Variants in MEIS3 observed in about 807,000 individuals in gnomAD.
MEIS3 encodes the protein homeobox protein Meis3.
MEIS3 carries 38 observed loss-of-function variants against 51.4 expected under a neutral mutation model. That is an observed-to-expected ratio of 0.74 (90% CI 0.57 to 0.97). The LOEUF is 0.97. MEIS3 is among the 50% of genes least tolerant of loss of function. The pLI is 0.00. For synonymous variants in MEIS3, 198 were observed against 201.8 expected (o/e 0.98, Z 0.16); for missense variants, 456 against 502.6 (o/e 0.91, Z 0.89).
intron 4 of MEIS3, 187 bp downstream of exon 4, chr19:47,416,465 C>T: frequency 1.8e-6 from 1 of 552,118 alleles, no homozygotes; most frequent in Non-Finnish European, 3.2e-6. Flanking sequence ...GGGATTTGAA[C>T]TCGGGCCATG....
rs769408624 is a variant in MEIS3, at chr19:47,405,562, ATT to A, written c.*17+896_*17+897del. On this transcript the variant is annotated intron_variant, in intron 12 of 12. Transcript: ENST00000558555. ...CATGTCAGGATGGAGTGAGGGCTCA[ATT>A]TTTTTTTTTTTTTTTTTTTAGATGG... Among the ~76,000 whole-genome samples, 379 of 135,544 alleles carry A rather than the reference ATT, an allele frequency of 2.8e-3. 1 individual carries two copies. Among genetic ancestry groups the A allele is most frequent in the African/African-American group, 8.0e-3 (292 of 36,560 alleles). 88.9% of individuals were successfully genotyped at this position (135,544 alleles called of 152,430 possible).
intron 11 of MEIS3, 108 bp downstream of exon 11, chr19:47,406,780 A>C: frequency 9.3e-7 from 1 of 1,073,840 alleles, no homozygotes; most frequent in Non-Finnish European, 1.3e-6. Flanking sequence ...CTCACTAGGC[A>C]AGTGACACAC....
At chr19:47,410,715 G>C (rs1014843204) in intron 6 of MEIS3, among the ~76,000 whole-genome samples, 3 of 151,608 alleles carry the variant, frequency 2.0e-5, no homozygotes, top group South Asian at 2.1e-4. Context: ...GCAGTGAGCC[G>C]AGATCACACC....
chr19:47,411,126 G>A (rs990909561), intron 6 of MEIS3, among the ~76,000 whole-genome samples: 18 of 151,890 alleles, frequency 1.2e-4, no homozygotes, highest in African/African-American at 3.6e-4. Flanking sequence ...TAGTAGAGAC[G>A]GCGTTTCACC....
intron 1 of MEIS3, chr19:47,418,728 A>C: frequency 5.7e-6 from 1 of 174,108 alleles, no homozygotes; most frequent in Non-Finnish European, 1.1e-5. Flanking sequence ...AGAGAGGGGG[A>C]TAGAGAGGCA....
intron 6 of MEIS3, among the ~76,000 whole-genome samples, chr19:47,413,749 A>G: frequency 6.9e-6 from 1 of 144,026 alleles, no homozygotes. Flanking sequence ...TTTTTTTGAG[A>G]TGGAGTCTTG....
intron 6 of MEIS3, among the ~76,000 whole-genome samples, chr19:47,414,015 G>A (rs1381477138): frequency 2.6e-5 from 4 of 151,998 alleles, no homozygotes; most frequent in Non-Finnish European, 5.9e-5. Flanking sequence ...GATTACAGGT[G>A]AGAGCCACCG....
intron 1 of MEIS3, chr19:47,417,817 C>T (rs1043251732): frequency 2.1e-5 from 13 of 618,042 alleles, no homozygotes; most frequent in Non-Finnish European, 2.9e-5. Flanking sequence ...GTCTCAACAA[C>T]ATGTCACACT....
rs1018138170 is a variant in MEIS3 at position 47,419,240 on chromosome 19, G to A, written c.-159C>T. On this transcript the variant is annotated 5_prime_UTR_variant, in exon 1 of 13. Coordinates refer to ENST00000558555, the MANE Select transcript of MEIS3 (RefSeq NM_001301059.2). ...CCCACCCCCGCCGCCGTCAGCGGCA[G>A]GCGCCGGGCCGGGTGGGGACTCCGC... The A allele has an allele frequency of 2.5e-6, 1 of 399,298 alleles. No individual in the cohort carries two copies. Among genetic ancestry groups the A allele is most frequent in the African/African-American group, 2.1e-5 (1 of 46,842 alleles). 24.7% of individuals were successfully genotyped at this position (399,298 alleles called of 1,614,324 possible).
chr19:47,404,352 G>C (rs1052859343), intron 12 of MEIS3, among the ~76,000 whole-genome samples: 2 of 151,960 alleles, frequency 1.3e-5, no homozygotes, highest in Non-Finnish European at 2.9e-5. Context: ...GCCTGGATAC[G>C]CCTGCCCATC....
intron 8 of MEIS3, among the ~76,000 whole-genome samples, chr19:47,408,502 C>G (rs1970958113): frequency 6.6e-6 from 1 of 152,090 alleles, no homozygotes; most frequent in East Asian, 1.9e-4. Flanking sequence ...CTGTATCTCT[C>G]TCTCTCTCTG....
chr19:47,411,147 G>A (rs1329158731), intron 6 of MEIS3, among the ~76,000 whole-genome samples: 1 of 152,068 alleles, frequency 6.6e-6, no homozygotes, highest in Non-Finnish European at 1.5e-5. Context: ...ACATTGGCCA[G>A]GCTGGTCTCG....
intron 7 of MEIS3, 57 bp from the exon 8 acceptor site, chr19:47,409,304 G>A: frequency 1.9e-6 from 3 of 1,584,092 alleles, no homozygotes; most frequent in African/African-American, 2.7e-5. Context: ...GGACCAGAGG[G>A]CCCCAGAACT....
intron 6 of MEIS3, among the ~76,000 whole-genome samples, chr19:47,411,866 CAG>C (rs1423804061): frequency 6.6e-6 from 1 of 151,574 alleles, no homozygotes; most frequent in African/African-American, 2.4e-5. Context: ...TTTGAAGAGA[CAG>C]AGTCTTGCTC....
Position 47,418,729 on chromosome 19 carries a change from T to C in MEIS3, c.12+341A>G, listed in dbSNP as rs185709332. ...GTGGGGGAGGGCAGAGAGAGGGGGA[T>C]AGAGAGGCAGAAAGAGGGGGGAGAC... On this transcript the variant is annotated intron_variant, in intron 1 of 12. Transcript: ENST00000558555. 286 of 111,648 alleles carry C rather than the reference T, an allele frequency of 2.6e-3. 9 individuals carry two copies. In the East Asian group the frequency reaches 0.041, roughly 16 times the overall value. 6.9% of individuals were successfully genotyped at this position (111,648 alleles called of 1,614,324 possible).
upstream of MEIS3, among the ~76,000 whole-genome samples, chr19:47,420,286 G>A (rs1971656052): frequency 6.6e-6 from 1 of 152,318 alleles, no homozygotes; most frequent in East Asian, 1.9e-4. Context: ...AAGACTTGGG[G>A]TGAGGGATGC....
intron 6 of MEIS3, 127 bp downstream of exon 6, chr19:47,414,590 T>A (rs1971299824): frequency 8.9e-7 from 1 of 1,121,256 alleles, no homozygotes; most frequent in East Asian, 2.6e-5. Flanking sequence ...GCTGTGTGCA[T>A]ATGCGTGCCC....
At chr19:47,413,226 G>A (rs910322144) in intron 6 of MEIS3, among the ~76,000 whole-genome samples, 1 of 151,696 alleles carries the variant, frequency 6.6e-6, no homozygotes, top group Admixed American at 6.6e-5. Flanking sequence ...GTGAAACCCC[G>A]TCTCTACTGA....
At position 47,417,354 on chromosome 19, in the gene MEIS3, G is replaced by C. The variant is rs1211344678; in HGVS notation, c.13-4C>G. The C allele has an allele frequency of 6.2e-7, 1 of 1,613,134 alleles. No homozygotes were observed. Among genetic ancestry groups the C allele is most frequent in the African/African-American group, 1.3e-5 (1 of 74,926 alleles). On this transcript the variant is annotated splice_region_variant and splice_polypyrimidine_tract_variant and intron_variant, in intron 1 of 12. Coordinates refer to ENST00000558555, the MANE Select transcript of MEIS3 (RefSeq NM_001301059.2). Reference sequence around the variant, plus strand: ...GGTAGTGCGGCAGCTCATCATACTGGGGGAAGGTGAGAAGAGAAGGGCGGA... The same window carrying C: ...GGTAGTGCGGCAGCTCATCATACTGCGGGAAGGTGAGAAGAGAAGGGCGGA...
Sources: gnomAD v4.1 joint callset for allele counts (sites outside exome capture counted in the v4.1 genomes callset) on GRCh38, gnomAD v4.1.1 for gene constraint, MANE v1.5 for transcripts, NCBI Gene and HGNC (gene_info 2026-07-23, HGNC 2026-07-21) for gene names.